Variants in GPR139 observed in about 807,000 individuals in gnomAD.
The protein encoded by GPR139 is probable G protein-coupled receptor 139.
A neutral mutation model predicts 25.8 loss-of-function variants in GPR139; 12 were observed. That is an observed-to-expected ratio of 0.47 (90% CI 0.30 to 0.75). The LOEUF is 0.75. Ranked by LOEUF, GPR139 falls within the 30% of genes least tolerant of loss-of-function variation. The pLI is 0.07. For missense variants in GPR139, 380 were observed against 450.2 expected (o/e 0.84, Z 1.41); for synonymous variants, 184 against 179.9 (o/e 1.02, Z -0.18).
rs779166553 is a variant in GPR139, at chr16:20,032,350, A to T, written c.447T>A (p.Ile149=). The change falls in exon 2 of 2, where the codon ATT becomes ATA. Residue 149 remains isoleucine, a synonymous_variant. Transcript: ENST00000570682. ...GGAAGCAGGTGATGTAAACACTTAC[A>T]ATGACTTTCCGGGTGCGGGCTGGGT... ...VSYPARTRKV[I]VSVYITCFLT... is the part of the protein sequence containing the mutation. 6.2e-7 allele frequency: 1 copy of T among 1,614,198 alleles called. No homozygotes were observed. Among genetic ancestry groups the T allele is most frequent in the Admixed American group, 1.7e-5 (1 of 60,018 alleles).
intron 1 of GPR139, among the ~76,000 whole-genome samples, chr16:20,067,893 G>A (rs1288187140): frequency 6.8e-6 from 1 of 147,806 alleles, no homozygotes; most frequent in Non-Finnish European, 1.5e-5. Flanking sequence ...ATACACAATA[G>A]AATGCAATAC....
chr16:20,051,905 T>C (rs1329984605), intron 1 of GPR139, among the ~76,000 whole-genome samples: 2 of 152,188 alleles, frequency 1.3e-5, no homozygotes, highest in South Asian at 2.1e-4. Flanking sequence ...CCAGAGCTGA[T>C]ACATACTTGC....
Position 20,030,765 on chromosome 16 carries a change from T to C in GPR139, c.*970A>G, listed in dbSNP as rs1391251707. On this transcript the variant is annotated 3_prime_UTR_variant, in exon 2 of 2. Transcript: ENST00000570682. ...CAGTTCCTGACCCTTGAATATTAAA[T>C]TCAGTTCGGAAGTCACTTCAAATAA... Among the ~76,000 whole-genome samples the C allele has an allele frequency of 6.6e-6, 1 of 152,188 alleles. No individual in the cohort carries two copies. Among genetic ancestry groups the C allele is most frequent in the Non-Finnish European group, 1.5e-5 (1 of 68,034 alleles).
chr16:20,038,001 G>A (rs1198133843), intron 1 of GPR139, among the ~76,000 whole-genome samples: 2 of 150,770 alleles, frequency 1.3e-5, no homozygotes, highest in Non-Finnish European at 3.0e-5. Context: ...GCTGGGATTA[G>A]AGGCACGTGC....
intron 1 of GPR139, among the ~76,000 whole-genome samples, chr16:20,052,215 A>G (rs899520046): frequency 6.6e-6 from 1 of 152,200 alleles, no homozygotes; most frequent in African/African-American, 2.4e-5. Flanking sequence ...TCATTTATGA[A>G]CCAGCTTGTC....
At chr16:20,058,166 T>C (rs71384433) in intron 1 of GPR139, among the ~76,000 whole-genome samples, 1 of 152,234 alleles carries the variant, frequency 6.6e-6, no homozygotes, top group South Asian at 2.1e-4. Flanking sequence ...TGGGCACTCA[T>C]CCTTATTTTA....
chr16:20,032,123 T>C lies in GPR139; in HGVS notation c.674A>G (p.Lys225Arg), dbSNP rs2057291912. 1.2e-6 allele frequency: 2 copies of C among 1,614,158 alleles called. No homozygotes were observed. The highest frequency in any genetic ancestry group is 1.7e-6 in the Non-Finnish European group (2 of 1,180,016). ...NFRLRGYSTG[K>R]TTAILFTITS... The stretch of plus-strand genomic sequence containing the variant: ...AATGGTGAACAAGATGGCGGTGGTC[T>C]TCCCCGTGGAGTAGCCACGGAGACG... Residue 225 changes from lysine (K) to arginine (R), a missense_variant, in exon 2 of 2, where the codon AAG (lysine) becomes AGG (arginine). Coordinates refer to ENST00000570682, the MANE Select transcript of GPR139 (RefSeq NM_001002911.4).
In GPR139 at chr16:20,028,855, T is replaced by C. The variant is rs557799380; in HGVS notation, c.*2880A>G. 7.2e-5 allele frequency among the ~76,000 whole-genome samples: 11 copies of C among 152,250 alleles called. No individual in the cohort carries two copies. The highest frequency in any genetic ancestry group is 2.6e-4 in the African/African-American group (11 of 41,554). ...AAAGAGGCACCACAAAAACCCACGA[T>C]AAGGCAATTGCTTTAGTGCCACCAG... On this transcript the variant is annotated 3_prime_UTR_variant, in exon 2 of 2. Transcript: ENST00000570682.
In GPR139 at chr16:20,038,325, A is replaced by ATGTGTG. The variant is rs748458775; in HGVS notation, c.128-5657_128-5656insCACACA. Reference sequence around the variant, plus strand: ...ACAGGTTTAAGTTCCTGGATAATATATATATGTGTGTGTGTGTGTGTGTGT... The same window carrying ATGTGTG: ...ACAGGTTTAAGTTCCTGGATAATATATGTGTGTATATGTGTGTGTGTGTGTGTGTGT... On this transcript the variant is annotated intron_variant, in intron 1 of 1. Transcript: ENST00000570682. 1.4e-3 allele frequency among the ~76,000 whole-genome samples: 67 copies of ATGTGTG among 48,916 alleles called. No homozygotes were observed. In the East Asian group the frequency reaches 0.018, roughly 13 times the overall value. 32.1% of individuals were successfully genotyped at this position (48,916 alleles called of 152,430 possible). A position where few individuals can be genotyped will look rare whatever the true frequency, so the allele number is the denominator to read the frequency against.
chr16:20,041,252 GAA>G (rs2057334117), intron 1 of GPR139, among the ~76,000 whole-genome samples: 1 of 886 alleles, frequency 1.1e-3, no homozygotes, highest in Non-Finnish European at 2.6e-3. Context: ...AGAGGAGAGG[GAA>G]GGAGAAAAGA....
In GPR139 at chr16:20,073,079, C is replaced by T. The variant is rs2057465557; in HGVS notation, c.127+411G>A. Among the ~76,000 whole-genome samples the T allele has an allele frequency of 6.6e-6, 1 of 152,148 alleles. No individual in the cohort carries two copies. Among genetic ancestry groups the T allele is most frequent in the Non-Finnish European group, 1.5e-5 (1 of 68,026 alleles). Reference sequence around the variant, plus strand: ...AAGTGGGGTGGACGTGCAGGGGCCACGGGAGAAGGGAAGCCTCCACGAAGC... The same window carrying T: ...AAGTGGGGTGGACGTGCAGGGGCCATGGGAGAAGGGAAGCCTCCACGAAGC... On this transcript the variant is annotated intron_variant, in intron 1 of 1. Transcript: ENST00000570682. The surrounding 1 kb of genome is among the most constrained non-coding windows in gnomAD (Gnocchi z 4.7).
chr16:20,054,300 C>T (rs1313317860), intron 1 of GPR139, among the ~76,000 whole-genome samples: 1 of 152,120 alleles, frequency 6.6e-6, no homozygotes, highest in Non-Finnish European at 1.5e-5. Flanking sequence ...TAACTAATCC[C>T]AAATACTAAT....
intron 1 of GPR139, among the ~76,000 whole-genome samples, chr16:20,057,874 A>G (rs970818257): frequency 1.3e-5 from 2 of 152,060 alleles, no homozygotes; most frequent in South Asian, 2.1e-4. Flanking sequence ...ATGATGATCA[A>G]TTTTCCTTTC....
At chr16:20,037,442 ACT>A (rs138563701) in intron 1 of GPR139, among the ~76,000 whole-genome samples, 10,902 of 146,256 alleles carry the variant, frequency 0.075, 523 homozygotes, top group Non-Finnish European at 0.11. Context: ...ACAGAGTAAG[ACT>A]CTGTCTCAGA....
intron 1 of GPR139, among the ~76,000 whole-genome samples, chr16:20,060,199 C>T (rs973899518): frequency 2.0e-5 from 3 of 151,864 alleles, no homozygotes; most frequent in South Asian, 4.2e-4. Context: ...AAAGCTGCAG[C>T]GAGAACAGAA....
chr16:20,066,652 C>G (rs1458253813), intron 1 of GPR139, among the ~76,000 whole-genome samples: 1 of 152,284 alleles, frequency 6.6e-6, no homozygotes, highest in South Asian at 2.1e-4. Flanking sequence ...TTGCCGAGCT[C>G]CTACAATGTG....
chr16:20,073,454 T>C lies in GPR139; in HGVS notation c.127+36A>G. On this transcript the variant is annotated intron_variant, in intron 1 of 1. Coordinates refer to ENST00000570682, the MANE Select transcript of GPR139 (RefSeq NM_001002911.4). The surrounding 1 kb of genome is among the most constrained non-coding windows in gnomAD (Gnocchi z 4.7). ...GGGTAGGGTTGCCCGGCACTTGGGG[T>C]TCCTGGCTTCCCTCCCTCTCCCCCA... The C allele has an allele frequency of 1.9e-6, 3 of 1,599,964 alleles. No homozygotes were observed. Among genetic ancestry groups the C allele is most frequent in the Non-Finnish European group, 1.7e-6 (2 of 1,173,930 alleles).
In GPR139 at chr16:20,031,916, G is replaced by A. The variant is rs1406283279; in HGVS notation, c.881C>T (p.Thr294Ile). 8 of 1,614,248 alleles carry A rather than the reference G, an allele frequency of 5.0e-6. No individual in the cohort carries two copies. Among genetic ancestry groups the A allele is most frequent in the East Asian group, 4.5e-5 (2 of 44,882 alleles). Reference protein sequence around the residue: ...LYCFISKRFRTMAAATLKAFF... With the variant: ...LYCFISKRFRIMAAATLKAFF... ...AGCCTTGAGCGTGGCGGCTGCCATG[G>A]TGCGGAACCGCTTGCTGATGAAGCA... The change falls in exon 2 of 2, where the codon ACC becomes ATC. Residue 294 changes from threonine to isoleucine, a missense_variant. Thr to Ile is a moderately conservative substitution (Grantham distance 89). Coordinates refer to ENST00000570682, the MANE Select transcript of GPR139 (RefSeq NM_001002911.4).
At chr16:20,052,345 G>A (rs558479403) in intron 1 of GPR139, among the ~76,000 whole-genome samples, 10 of 152,298 alleles carry the variant, frequency 6.6e-5, no homozygotes, top group African/African-American at 2.4e-4. Flanking sequence ...CAGAGAAAGC[G>A]TCAGTAGAAA....
Sources: gnomAD v4.1 joint callset for allele counts (sites outside exome capture counted in the v4.1 genomes callset) on GRCh38, gnomAD v4.1.1 for gene constraint, Gnocchi (gnomAD v3.1) non-coding constraint, MANE v1.5 for transcripts, NCBI Gene and HGNC (gene_info 2026-07-23, HGNC 2026-07-21) for gene names.